Variants in COL4A6 observed in about 807,000 individuals in gnomAD.
The protein encoded by COL4A6 is collagen type IV alpha 6 chain, also known as collagen alpha-6(IV) chain.
A neutral mutation model predicts 126.7 loss-of-function variants in COL4A6; 59 were observed. The observed-to-expected ratio is 0.47, with a 90% confidence interval of 0.38 to 0.58. The LOEUF is 0.58. Ranked by LOEUF, COL4A6 falls within the 20% of genes least tolerant of loss-of-function variation. The probability of loss-of-function intolerance (pLI) is 0.00; values close to 1 mark genes in which losing one functional copy is unlikely to be tolerated. For missense variants in COL4A6, 1,285 were observed against 1,337.3 expected, an observed-to-expected ratio of 0.96 and a Z score of 0.61; for synonymous variants, 547 against 496.6, an observed-to-expected ratio of 1.10 and a Z score of -1.35.
intron 2 of COL4A6, among the ~76,000 whole-genome samples, chrX:108,391,717 G>A (rs754027008): frequency 8.9e-6 from 1 of 112,012 alleles, no homozygotes; most frequent in East Asian, 2.8e-4. Flanking sequence ...AGGGTGTACT[G>A]TTTTTCCCAG....
intron 2 of COL4A6, among the ~76,000 whole-genome samples, chrX:108,368,719 GT>G (rs1238266975): frequency 9.0e-6 from 1 of 111,524 alleles, no homozygotes; most frequent in African/African-American, 3.3e-5. Context: ...TATTCTATAA[GT>G]TTTTTTATTG....
At chrX:108,291,419 T>C (rs2038159025) in intron 3 of COL4A6, among the ~76,000 whole-genome samples, 1 of 112,527 alleles carries the variant, frequency 8.9e-6, no homozygotes. Context: ...GCCATAAGCA[T>C]TTTTACAAGT....
At chrX:108,222,323 C>T (rs1166712102) in intron 3 of COL4A6, among the ~76,000 whole-genome samples, 1 of 111,981 alleles carries the variant, frequency 8.9e-6, no homozygotes, top group Admixed American at 9.5e-5. Flanking sequence ...AGCACAACAC[C>T]GTATCAGGTA....
At chrX:108,170,110 T>A (rs1253731842) in intron 35 of COL4A6, 94 bp from the exon 36 acceptor site, 1 of 749,965 alleles carries the variant, frequency 1.3e-6, no homozygotes, top group Admixed American at 3.1e-5. Flanking sequence ...CATTGCGAGG[T>A]CCTTATTTTA....
intron 3 of COL4A6, among the ~76,000 whole-genome samples, chrX:108,264,221 C>T (rs1374569106): frequency 1.8e-5 from 2 of 111,456 alleles, no homozygotes; most frequent in Non-Finnish European, 3.8e-5. Context: ...TCAGTCCCAG[C>T]TTCTGTTAAA....
At chrX:108,188,450 TG>T in intron 21 of COL4A6, 66 bp downstream of exon 21, 1 of 1,000,719 alleles carries the variant, frequency 1.0e-6, no homozygotes, top group Non-Finnish European at 1.3e-6. Flanking sequence ...GAAAAGTAAC[TG>T]GGGGGATTGA....
chrX:108,222,544 G>T (rs933245955), intron 3 of COL4A6, among the ~76,000 whole-genome samples: 1 of 111,899 alleles, frequency 8.9e-6, no homozygotes, highest in African/African-American at 3.3e-5. Context: ...GATGCAAGTG[G>T]CCACCAGCTG....
chrX:108,323,927 TG>T (rs2039089373), intron 2 of COL4A6, among the ~76,000 whole-genome samples: 1 of 112,146 alleles, frequency 8.9e-6, no homozygotes, highest in South Asian at 3.7e-4. Flanking sequence ...GTGGAGAAAC[TG>T]TATGTCCTTC....
chrX:108,418,945 G>A (rs772737328), intron 2 of COL4A6, among the ~76,000 whole-genome samples: 6 of 112,312 alleles, frequency 5.3e-5, no homozygotes, highest in South Asian at 3.7e-4. Context: ...CTGTGCCTAC[G>A]TATTAAGATT....
chrX:108,409,232 G>C (rs1275824909), intron 2 of COL4A6, among the ~76,000 whole-genome samples: 1 of 111,941 alleles, frequency 8.9e-6, no homozygotes, highest in East Asian at 2.8e-4. Flanking sequence ...ACCTTGGATA[G>C]AAGTAACTTA....
At chrX:108,437,097 T>C (rs1048599117) in intron 2 of COL4A6, among the ~76,000 whole-genome samples, 3 of 111,928 alleles carry the variant, frequency 2.7e-5, no homozygotes, top group African/African-American at 6.5e-5. Flanking sequence ...GTATTCAAAC[T>C]CAACAGTTTT....
chrX:108,400,335 A>T (rs912035696), intron 2 of COL4A6, among the ~76,000 whole-genome samples: 1 of 111,194 alleles, frequency 9.0e-6, no homozygotes, highest in African/African-American at 3.3e-5. Flanking sequence ...TTTGGCCATA[A>T]ATCACATAAA....
intron 2 of COL4A6, among the ~76,000 whole-genome samples, chrX:108,434,844 G>C (rs2064237201): frequency 9.2e-6 from 1 of 108,868 alleles, no homozygotes; most frequent in Non-Finnish European, 1.9e-5. Context: ...TTCATAGCTA[G>C]CTGATATAGG....
intron 2 of COL4A6, among the ~76,000 whole-genome samples, chrX:108,410,648 C>A (rs1205218328): frequency 9.0e-6 from 1 of 111,142 alleles, no homozygotes; most frequent in Admixed American, 9.6e-5. Context: ...TAATTTACCC[C>A]CCTTTCCCAC....
chrX:108,438,089 A>G, intron 1 of COL4A6, 96 bp from the exon 2 acceptor site: 3 of 1,202,495 alleles, frequency 2.5e-6, no homozygotes, highest in Non-Finnish European at 3.4e-6. Flanking sequence ...CCTGCTCCCA[A>G]TTTCTCTGCA....
chrX:108,248,041 A>G (rs1163313205), intron 3 of COL4A6, among the ~76,000 whole-genome samples: 1 of 111,611 alleles, frequency 9.0e-6, no homozygotes, highest in Non-Finnish European at 1.9e-5. Flanking sequence ...GTGGTCCCCA[A>G]AATGTTTAAC....
chrX:108,355,706 G>C (rs2039944454), intron 2 of COL4A6, among the ~76,000 whole-genome samples: 1 of 111,989 alleles, frequency 8.9e-6, no homozygotes. Flanking sequence ...ATGGACACCT[G>C]CCTGATGATA....
chrX:108,348,598 C>T (rs2039768530), intron 2 of COL4A6, among the ~76,000 whole-genome samples: 1 of 111,954 alleles, frequency 8.9e-6, no homozygotes, highest in Non-Finnish European at 1.9e-5. Flanking sequence ...AAACAAACAA[C>T]TTCTTTGGTG....
At chrX:108,366,573 C>G (rs1028232906) in intron 2 of COL4A6, among the ~76,000 whole-genome samples, 1 of 112,068 alleles carries the variant, frequency 8.9e-6, no homozygotes, top group Non-Finnish European at 1.9e-5. Flanking sequence ...CTACCATTCT[C>G]ACTGTATGTT....
Sources: gnomAD v4.1 joint callset for allele counts (sites outside exome capture counted in the v4.1 genomes callset) on GRCh38, gnomAD v4.1.1 for gene constraint, MANE v1.5 for transcripts, NCBI Gene and HGNC (gene_info 2026-07-23, HGNC 2026-07-21) for gene names.